Variants in KIRREL3 observed in about 807,000 individuals in gnomAD.
KIRREL3 encodes kirre like nephrin family adhesion molecule 3, also known as kin of IRRE-like protein 3.
A neutral mutation model predicts 89.7 loss-of-function variants in KIRREL3; 36 were observed. The observed-to-expected ratio is 0.40, with a 90% CI of 0.31 to 0.53. The LOEUF (loss-of-function observed/expected upper bound fraction) is 0.53, where lower values mean the gene tolerates loss of function less well. Among genes scored for constraint, KIRREL3 ranks in the 20% least tolerant of loss-of-function variants. The pLI, the probability that KIRREL3 is intolerant of heterozygous loss-of-function variation, is 0.49. For missense variants in KIRREL3, 864 were observed against 1,056.6 expected (o/e 0.82, Z 2.53); for synonymous variants, 445 against 441.4 (o/e 1.01, Z -0.10).
chr11:126,789,771 T>C, intron 1 of KIRREL3, among the ~76,000 whole-genome samples: 1 of 152,200 alleles, frequency 6.6e-6, no homozygotes, highest in East Asian at 1.9e-4. Context: ...CCCACACTTT[T>C]CTTCCAGCCC....
At chr11:126,908,000 G>A (rs1946655062) in intron 1 of KIRREL3, among the ~76,000 whole-genome samples, 1 of 152,056 alleles carries the variant, frequency 6.6e-6, no homozygotes, top group African/African-American at 2.4e-5. Flanking sequence ...TTGACCACCT[G>A]TGATGTCACA....
chr11:126,659,059 A>G (rs1449558875), intron 1 of KIRREL3, among the ~76,000 whole-genome samples: 2 of 152,230 alleles, frequency 1.3e-5, no homozygotes, highest in East Asian at 3.9e-4. Context: ...CCAATTGGTT[A>G]GCTAATTGCT....
rs1403374915 is a variant in KIRREL3, at chr11:126,761,991, C to T, written c.56-199079G>A. ...GTCAGGAGTTGAAGACTAGCCTGGCCAACATGGTGAAACCCTATCTCTACT... is the reference window on the plus strand; with the variant it reads ...GTCAGGAGTTGAAGACTAGCCTGGCTAACATGGTGAAACCCTATCTCTACT... On this transcript the variant is annotated intron_variant, in intron 1 of 16. Transcript: ENST00000525144. The surrounding 1 kb of genome is among the most constrained non-coding windows in gnomAD (Gnocchi z 4.4). Among the ~76,000 whole-genome samples, 1 of 152,010 alleles carries T rather than the reference C, an allele frequency of 6.6e-6. No individual in the cohort carries two copies. Among genetic ancestry groups the T allele is most frequent in the Non-Finnish European group, 1.5e-5 (1 of 67,986 alleles).
rs2134337349 is a variant in KIRREL3, at chr11:126,491,227, T to G, written c.434-17761A>C. ...AAGTGGGCATGGCGGTGAAACCACC[T>G]GAGGGTCAGGAAGGCTGAGTGAAGG... On this transcript the variant is annotated intron_variant, in intron 4 of 16. Coordinates refer to ENST00000525144, the MANE Select transcript of KIRREL3 (RefSeq NM_032531.4). The surrounding 1 kb of genome is among the most constrained non-coding windows in gnomAD (Gnocchi z 5.5). 6.6e-6 allele frequency among the ~76,000 whole-genome samples: 1 copy of G among 152,290 alleles called. No homozygotes were observed. The highest frequency in any genetic ancestry group is 6.5e-5 in the Admixed American group (1 of 15,296).
Position 126,884,000 on chromosome 11 carries a change from C to T in KIRREL3, c.55+116455G>A, listed in dbSNP as rs946663111. Among the ~76,000 whole-genome samples the T allele has an allele frequency of 6.6e-6, 1 of 152,168 alleles. No homozygotes were observed. The stretch of plus-strand genomic sequence containing the variant: ...TATTAAAGTGGAGGGTGACTGGCCA[C>T]CCGGGGAGATTGACAAGTGATTGCA... On this transcript the variant is annotated intron_variant, in intron 1 of 16. Coordinates refer to ENST00000525144, the MANE Select transcript of KIRREL3 (RefSeq NM_032531.4). The surrounding 1 kb of genome is among the most constrained non-coding windows in gnomAD (Gnocchi z 4.1).
intron 1 of KIRREL3, among the ~76,000 whole-genome samples, chr11:126,637,099 C>A (rs1944295798): frequency 6.6e-6 from 1 of 152,118 alleles, no homozygotes; most frequent in Non-Finnish European, 1.5e-5. Flanking sequence ...TGACTCAGCC[C>A]CTCCCTACTC....
rs1232123659 is a variant in KIRREL3, at chr11:126,624,035, T to G, written c.56-61123A>C. On this transcript the variant is annotated intron_variant, in intron 1 of 16. Transcript: ENST00000525144. This position sits in a 1 kb window ranked among gnomAD's most constrained non-coding sequence, Gnocchi z 6.0. ...GAGCTAATCTCCTCTTCACCTGTGA[T>G]GACTGTTTTTCCACCTGTGGCTTGG... 6.6e-6 allele frequency among the ~76,000 whole-genome samples: 1 copy of G among 152,194 alleles called. No homozygotes were observed. Among genetic ancestry groups the G allele is most frequent in the Non-Finnish European group, 1.5e-5 (1 of 68,054 alleles).
rs1349215249 is a variant in KIRREL3 at position 126,508,407 on chromosome 11, A to G, written c.433+12908T>C. Among the ~76,000 whole-genome samples, 7 of 152,078 alleles carry G rather than the reference A, an allele frequency of 4.6e-5. No homozygotes were observed. The highest frequency in any genetic ancestry group is 8.8e-5 in the Non-Finnish European group (6 of 68,020). On this transcript the variant is annotated intron_variant, in intron 4 of 16. Coordinates refer to ENST00000525144, the MANE Select transcript of KIRREL3 (RefSeq NM_032531.4). This position sits in a 1 kb window ranked among gnomAD's most constrained non-coding sequence, Gnocchi z 4.9. ...CGCCCAGAGGATGATACTGAATGGGATGGCAAATGAATGCTGCGGGTCTCG... is the reference window on the plus strand; with the variant it reads ...CGCCCAGAGGATGATACTGAATGGGGTGGCAAATGAATGCTGCGGGTCTCG...
At chr11:126,775,427 G>A (rs550303134) in intron 1 of KIRREL3, among the ~76,000 whole-genome samples, 1 of 152,122 alleles carries the variant, frequency 6.6e-6, no homozygotes, top group Non-Finnish European at 1.5e-5. Flanking sequence ...TGAAGGGGGT[G>A]CCCATCTTGA....
chr11:126,920,192 C>G (rs1420148392), intron 1 of KIRREL3: 1 of 152,464 alleles, frequency 6.6e-6, no homozygotes, highest in Non-Finnish European at 1.5e-5. Flanking sequence ...CCCCAAAACT[C>G]ATGCTGCTCA....
intron 1 of KIRREL3, among the ~76,000 whole-genome samples, chr11:126,757,799 GCTAA>G (rs1949551526): frequency 6.6e-6 from 1 of 152,106 alleles, no homozygotes; most frequent in Non-Finnish European, 1.5e-5. Context: ...TTCACCACTA[GCTAA>G]CTAAGGAAAT....
At position 126,782,102 on chromosome 11, in the gene KIRREL3, A is replaced by G. The variant is rs1950343458; in HGVS notation, c.55+218353T>C. On this transcript the variant is annotated intron_variant, in intron 1 of 16. Coordinates refer to ENST00000525144, the MANE Select transcript of KIRREL3 (RefSeq NM_032531.4). The surrounding 1 kb of genome is among the most constrained non-coding windows in gnomAD (Gnocchi z 4.1). The stretch of plus-strand genomic sequence containing the variant: ...CATATAATTTCCTCCTCCTGGGTTC[A>G]CAGGAAGACAGGCATTGCTCAGCCT... Among the ~76,000 whole-genome samples, 1 of 152,152 alleles carries G rather than the reference A, an allele frequency of 6.6e-6. No individual in the cohort carries two copies. The highest frequency in any genetic ancestry group is 2.4e-5 in the African/African-American group (1 of 41,438).
chr11:126,542,890 C>T lies in KIRREL3; in HGVS notation c.134-16203G>A, dbSNP rs138778034. Among the ~76,000 whole-genome samples the T allele has an allele frequency of 5.0e-3, 769 of 152,290 alleles. 4 individuals carry two copies. The highest frequency in any genetic ancestry group is 0.024 in the Middle Eastern group (7 of 294). On this transcript the variant is annotated intron_variant, in intron 2 of 16. Transcript: ENST00000525144. ...ATTAAAAAAGTGATACTTCTCACTG[C>T]CCTGGGATTGTGGGCCGTCTTCTGG...
Position 126,664,528 on chromosome 11 carries a change from T to C in KIRREL3, c.56-101616A>G, listed in dbSNP as rs905875077. On this transcript the variant is annotated intron_variant, in intron 1 of 16. Coordinates refer to ENST00000525144, the MANE Select transcript of KIRREL3 (RefSeq NM_032531.4). This position sits in a 1 kb window ranked among gnomAD's most constrained non-coding sequence, Gnocchi z 5.4. ...GTGCAGGGAAGGCATAGATCTTCTG[T>C]TGGAACTGGGGATACTGAAAGGGAT... Among the ~76,000 whole-genome samples, 6 of 152,148 alleles carry C rather than the reference T, an allele frequency of 3.9e-5. No homozygotes were observed. The highest frequency in any genetic ancestry group is 5.9e-5 in the Non-Finnish European group (4 of 68,012).
chr11:126,815,506 C>T (rs150041879), intron 1 of KIRREL3, among the ~76,000 whole-genome samples: 1 of 152,256 alleles, frequency 6.6e-6, no homozygotes, highest in African/African-American at 2.4e-5. Flanking sequence ...CATGTAGTAG[C>T]ATTTCATAAA....
In KIRREL3 at chr11:126,608,231, G is replaced by C. The variant is rs966962389; in HGVS notation, c.56-45319C>G. ...AAAGCAGGAGGCAGCTGAAGGGGGC[G>C]GTCTCAGAAGCCCCCGCTGGGAGCC... On this transcript the variant is annotated intron_variant, in intron 1 of 16. Coordinates refer to ENST00000525144, the MANE Select transcript of KIRREL3 (RefSeq NM_032531.4). The surrounding 1 kb of genome is among the most constrained non-coding windows in gnomAD (Gnocchi z 4.9). Among the ~76,000 whole-genome samples, 1 of 152,158 alleles carries C rather than the reference G, an allele frequency of 6.6e-6. No individual in the cohort carries two copies. The highest frequency in any genetic ancestry group is 1.9e-4 in the East Asian group (1 of 5,176).
At chr11:126,827,505 G>C (rs920371203) in intron 1 of KIRREL3, among the ~76,000 whole-genome samples, 1 of 152,090 alleles carries the variant, frequency 6.6e-6, no homozygotes, top group African/African-American at 2.4e-5. Context: ...ATTTTTGGGG[G>C]GCATTTTAGA....
In KIRREL3 at chr11:126,601,651, C is replaced by T. The variant is rs1942659530; in HGVS notation, c.56-38739G>A. On this transcript the variant is annotated intron_variant, in intron 1 of 16. Coordinates refer to ENST00000525144, the MANE Select transcript of KIRREL3 (RefSeq NM_032531.4). The surrounding 1 kb of genome is among the most constrained non-coding windows in gnomAD (Gnocchi z 5.8). ...TGAGAGAACCAGAGAAAGGAGGCCT[C>T]ACAGTGTCCTGGCCCCCTCTGCCCA... 6.6e-6 allele frequency among the ~76,000 whole-genome samples: 1 copy of T among 152,200 alleles called. No homozygotes were observed. Among genetic ancestry groups the T allele is most frequent in the South Asian group, 2.1e-4 (1 of 4,824 alleles).
intron 1 of KIRREL3, among the ~76,000 whole-genome samples, chr11:126,948,000 C>T (rs1406053341): frequency 6.6e-6 from 1 of 152,104 alleles, no homozygotes; most frequent in African/African-American, 2.4e-5. Flanking sequence ...CTCAGATATC[C>T]CAATTGCTGC....
Sources: allele counts gnomAD v4.1 joint callset (sites outside exome capture counted in the v4.1 genomes callset), GRCh38; gene constraint gnomAD v4.1.1; non-coding constraint Gnocchi (gnomAD v3.1); transcripts MANE v1.5; gene names NCBI Gene and HGNC (gene_info 2026-07-23, HGNC 2026-07-21).